KCNH5: variants seen among roughly 807,000 people sequenced by gnomAD.
The protein encoded by KCNH5 is voltage-gated delayed rectifier potassium channel KCNH5.
A neutral mutation model predicts 96.1 loss-of-function variants in KCNH5; 46 were observed. The ratio of observed to expected loss-of-function variants is 0.48; its 90% CI spans 0.38 to 0.61. KCNH5 has a LOEUF of 0.61. Ranked by LOEUF, KCNH5 falls within the 20% of genes least tolerant of loss-of-function variation. KCNH5 has a pLI of 0.00. For missense variants in KCNH5, 907 were observed against 1,225.8 expected (o/e 0.74, Z 3.88); for synonymous variants, 439 against 449.8 (o/e 0.98, Z 0.30).
intron 7 of KCNH5, among the ~76,000 whole-genome samples, chr14:62,882,558 C>T (rs937449319): frequency 1.3e-5 from 2 of 152,180 alleles, no homozygotes; most frequent in African/African-American, 4.8e-5. Context: ...TGGAGTAGGA[C>T]CACATGCTTT....
At chr14:62,987,837 C>T (rs1890738874) in intron 4 of KCNH5, among the ~76,000 whole-genome samples, 1 of 152,046 alleles carries the variant, frequency 6.6e-6, no homozygotes. Context: ...CTAGTCTTAC[C>T]CTAATTATAA....
intron 7 of KCNH5, among the ~76,000 whole-genome samples, chr14:62,922,680 C>T (rs945252760): frequency 6.6e-6 from 1 of 151,940 alleles, no homozygotes; most frequent in African/African-American, 2.4e-5. Flanking sequence ...TGTTACACCA[C>T]ATTAACAGAA....
At chr14:62,985,170 T>C (rs1184123084) in intron 5 of KCNH5, among the ~76,000 whole-genome samples, 1 of 152,200 alleles carries the variant, frequency 6.6e-6, no homozygotes, top group Non-Finnish European at 1.5e-5. Flanking sequence ...TAATTGCATA[T>C]TATCTTTTAA....
At chr14:62,814,782 CAAAAAAAAAAAAA>C (rs71120235) in intron 8 of KCNH5, among the ~76,000 whole-genome samples, 3,725 of 33,806 alleles carry the variant, frequency 0.11, 174 homozygotes, top group South Asian at 0.34. Flanking sequence ...GACTCCATCT[CAAAAAAAAAAAAA>C]AAAAAAAAAA....
At chr14:62,805,275 TTC>T (rs1371798308) in intron 8 of KCNH5, among the ~76,000 whole-genome samples, 2 of 152,210 alleles carry the variant, frequency 1.3e-5, no homozygotes, top group African/African-American at 4.8e-5. Context: ...ATTTGCAATA[TTC>T]TCTGTTTATT....
intron 7 of KCNH5, among the ~76,000 whole-genome samples, chr14:62,854,776 C>T (rs1462723612): frequency 1.3e-5 from 2 of 151,600 alleles, no homozygotes; most frequent in African/African-American, 4.8e-5. Context: ...GCATACATAC[C>T]AGCAAATGCC....
chr14:62,755,109 A>T (rs1885592399), intron 10 of KCNH5, among the ~76,000 whole-genome samples: 1 of 151,972 alleles, frequency 6.6e-6, no homozygotes, highest in East Asian at 1.9e-4. Context: ...TAAACATCAC[A>T]GCAGAAATAA....
At chr14:63,003,915 C>T (rs1053631008) in intron 3 of KCNH5, among the ~76,000 whole-genome samples, 8 of 151,904 alleles carry the variant, frequency 5.3e-5, no homozygotes, top group African/African-American at 1.7e-4. Context: ...CCACCGCGCC[C>T]GGCCAGAAAG....
chr14:62,914,482 C>T (rs1889234753), intron 7 of KCNH5, among the ~76,000 whole-genome samples: 1 of 152,110 alleles, frequency 6.6e-6, no homozygotes. Context: ...GTGGAGTATA[C>T]TGTGGTTTTA....
intron 10 of KCNH5, among the ~76,000 whole-genome samples, chr14:62,730,600 A>G (rs1885028220): frequency 6.6e-6 from 1 of 152,204 alleles, no homozygotes; most frequent in Non-Finnish European, 1.5e-5. Context: ...AGATTCTTTT[A>G]TCTTGTTTGA....
intron 10 of KCNH5, chr14:62,712,519 G>A (rs1595589716): frequency 3.1e-6 from 2 of 648,010 alleles, no homozygotes; most frequent in East Asian, 5.4e-5. Context: ...ACAACTGTGT[G>A]TCCAGGATGC....
In KCNH5 at chr14:62,961,767, T is replaced by A. The variant is rs939234734; in HGVS notation, c.943-11208A>T. 2.6e-5 allele frequency among the ~76,000 whole-genome samples: 4 copies of A among 151,490 alleles called. No individual in the cohort carries two copies. The South Asian group carries it at 8.4e-4, about 32-fold the overall frequency. The stretch of plus-strand genomic sequence containing the variant: ...ACAGGGATGGGGATGGAAATGGAGA[T>A]GGGGATGCTGATGGAGATGGAGATG... On this transcript the variant is annotated intron_variant, in intron 6 of 10. Transcript: ENST00000322893.
intron 7 of KCNH5, among the ~76,000 whole-genome samples, chr14:62,857,146 T>C (rs910047064): frequency 2.0e-5 from 3 of 152,160 alleles, no homozygotes; most frequent in African/African-American, 7.2e-5. Context: ...CAATGACTAT[T>C]GATATTATTT....
At chr14:62,870,437 T>G (rs1489890196) in intron 7 of KCNH5, among the ~76,000 whole-genome samples, 1 of 152,190 alleles carries the variant, frequency 6.6e-6, no homozygotes, top group Non-Finnish European at 1.5e-5. Flanking sequence ...GATTAGAAGC[T>G]TATGTGTCCA....
chr14:62,879,196 T>G (rs1448573713), intron 7 of KCNH5, among the ~76,000 whole-genome samples: 1 of 152,158 alleles, frequency 6.6e-6, no homozygotes, highest in Non-Finnish European at 1.5e-5. Flanking sequence ...GTAAAAATGA[T>G]AAAGACTAAG....
intron 7 of KCNH5, among the ~76,000 whole-genome samples, chr14:62,922,415 GTTAAA>G (rs1273368116): frequency 1.3e-5 from 2 of 151,990 alleles, no homozygotes; most frequent in African/African-American, 4.8e-5. Flanking sequence ...ATTATTAATA[GTTAAA>G]TTAACACCTA....
At chr14:62,885,473 A>G (rs1888578182) in intron 7 of KCNH5, among the ~76,000 whole-genome samples, 1 of 152,242 alleles carries the variant, frequency 6.6e-6, no homozygotes, top group African/African-American at 2.4e-5. Context: ...TGATTGGACA[A>G]GGTATTTGCT....
intron 7 of KCNH5, among the ~76,000 whole-genome samples, chr14:62,864,263 T>C (rs1888091832): frequency 6.6e-6 from 1 of 152,220 alleles, no homozygotes; most frequent in Non-Finnish European, 1.5e-5. Flanking sequence ...AAAGAATAGG[T>C]ACTTATATTT....
At chr14:62,998,984 T>C (rs567065277) in intron 4 of KCNH5, among the ~76,000 whole-genome samples, 2 of 152,298 alleles carry the variant, frequency 1.3e-5, no homozygotes, top group East Asian at 3.9e-4. Context: ...TAAATATTGC[T>C]GCAATAAACA....
Sources: allele counts gnomAD v4.1 joint callset (sites outside exome capture counted in the v4.1 genomes callset), GRCh38; gene constraint gnomAD v4.1.1; transcripts MANE v1.5; gene names NCBI Gene and HGNC (gene_info 2026-07-23, HGNC 2026-07-21).